The following ANKRD17 variants were observed in gnomAD, a reference collection of about 807,000 sequenced individuals.
ANKRD17 encodes the protein ankyrin repeat domain-containing protein 17.
In ANKRD17, 19 loss-of-function variants were observed where a neutral mutation model predicts 229.7. That is an observed-to-expected ratio of 0.08 (90% confidence interval 0.06 to 0.12). The LOEUF (loss-of-function observed/expected upper bound fraction) is 0.12. Ranked by LOEUF, ANKRD17 falls within the 10% of genes least tolerant of loss-of-function variation. ANKRD17 has a pLI of 1.00. For synonymous variants in ANKRD17, 1,112 were observed against 1,146.1 expected (o/e 0.97, Z 0.60); for missense variants, 2,176 against 3,176.8 (o/e 0.68, Z 7.57).
intron 9 of ANKRD17, 54 bp from the exon 10 acceptor site, chr4:73,146,927 T>C: frequency 2.8e-6 from 4 of 1,436,656 alleles, no homozygotes; most frequent in African/African-American, 1.4e-5. Flanking sequence ...ATAAGACATA[T>C]ATGACGAAAA....
rs556926101 is a variant in ANKRD17, at chr4:73,124,433, T to C, written c.3492+480A>G. Reference sequence around the variant, plus strand: ...AACAAAAGGTCATATAATCTTACCATCTTATCTGAGAACCTTTCCTCCAGA... The same window carrying C: ...AACAAAAGGTCATATAATCTTACCACCTTATCTGAGAACCTTTCCTCCAGA... On this transcript the variant is annotated intron_variant, in intron 18 of 33. Transcript: ENST00000358602. Among the ~76,000 whole-genome samples, 3 of 152,214 alleles carry C rather than the reference T, an allele frequency of 2.0e-5. No individual in the cohort carries two copies. In the South Asian group the frequency reaches 6.2e-4, roughly 32 times the overall value.
intron 24 of ANKRD17, among the ~76,000 whole-genome samples, chr4:73,106,749 C>T (rs998354163): frequency 6.6e-6 from 1 of 151,548 alleles, no homozygotes; most frequent in African/African-American, 2.4e-5. Flanking sequence ...TGTGGTGGTG[C>T]GCACCTGTAG....
chr4:73,146,710 T>C, intron 10 of ANKRD17, 54 bp downstream of exon 10: 1 of 1,301,510 alleles, frequency 7.7e-7, no homozygotes, highest in Non-Finnish European at 1.1e-6. Context: ...CTCCATAATT[T>C]AAAATTAATT....
intron 16 of ANKRD17, among the ~76,000 whole-genome samples, chr4:73,133,163 T>A (rs1384866923): frequency 2.0e-5 from 3 of 151,538 alleles, no homozygotes. Flanking sequence ...GGCAGGAGAA[T>A]CGCTTGAACC....
At chr4:73,184,053 C>T (rs1735932263) in intron 1 of ANKRD17, among the ~76,000 whole-genome samples, 1 of 152,100 alleles carries the variant, frequency 6.6e-6, no homozygotes, top group Non-Finnish European at 1.5e-5. Context: ...TAATTCAAAT[C>T]CTTCTACACT....
At chr4:73,122,577 T>A (rs1190511544) in intron 18 of ANKRD17, among the ~76,000 whole-genome samples, 1 of 152,174 alleles carries the variant, frequency 6.6e-6, no homozygotes, top group East Asian at 1.9e-4. Flanking sequence ...CATTCTCATT[T>A]TATAAATAAG....
chr4:73,145,383 G>A (rs1178689934), intron 10 of ANKRD17, among the ~76,000 whole-genome samples: 2 of 151,970 alleles, frequency 1.3e-5, no homozygotes, highest in African/African-American at 4.8e-5. Context: ...TCAACTCTAA[G>A]ATGTTACAAG....
rs185428665 is a variant in ANKRD17 at position 73,207,511 on chromosome 4, G to A, written c.394-29978C>T. On this transcript the variant is annotated intron_variant, in intron 1 of 33. Coordinates refer to ENST00000358602, the MANE Select transcript of ANKRD17 (RefSeq NM_032217.5). ...TTTGTATAAAAAGGCAAGAGCTATC[G>A]ACATGCTGTCTACAAGAAACATACT... Among the ~76,000 whole-genome samples, 23 of 152,236 alleles carry A rather than the reference G, an allele frequency of 1.5e-4. No homozygotes were observed. In the East Asian group the frequency reaches 1.9e-3, roughly 13 times the overall value.
chr4:73,100,805 C>T, intron 25 of ANKRD17: 1 of 975,734 alleles, frequency 1.0e-6, no homozygotes, highest in Non-Finnish European at 1.2e-6. Flanking sequence ...AAATAAAATG[C>T]TGGAGAAGGG....
In ANKRD17 at chr4:73,165,409, A is replaced by C. The variant is rs115600026; in HGVS notation, c.548-4061T>G. ...AGGAGGATGACATGAAGTACTACAT[A>C]AAAGCATTAAGTGAAAGTTTACATG... On this transcript the variant is annotated intron_variant, in intron 2 of 33. Transcript: ENST00000358602. Among the ~76,000 whole-genome samples, 1,320 of 152,346 alleles carry C rather than the reference A, an allele frequency of 8.7e-3. 28 individuals carry two copies. The highest frequency in any genetic ancestry group is 0.03 in the African/African-American group (1,253 of 41,568).
At position 73,152,079 on chromosome 4, in the gene ANKRD17, T is replaced by C. The variant is rs372521646; in HGVS notation, c.1235-555A>G. 9.2e-5 allele frequency among the ~76,000 whole-genome samples: 14 copies of C among 152,164 alleles called. 1 individual carries two copies. The East Asian group carries it at 2.5e-3, about 27-fold the overall frequency. Reference sequence around the variant, plus strand: ...TAAACATGTACACACATTAATGCAGTTTCAAATAAACCATATGCTTCAGTT... The same window carrying C: ...TAAACATGTACACACATTAATGCAGCTTCAAATAAACCATATGCTTCAGTT... On this transcript the variant is annotated intron_variant, in intron 6 of 33. Transcript: ENST00000358602.
intron 16 of ANKRD17, among the ~76,000 whole-genome samples, chr4:73,131,661 G>A (rs1000488367): frequency 2.6e-5 from 4 of 152,162 alleles, no homozygotes; most frequent in African/African-American, 7.2e-5. Flanking sequence ...AGAGTCTAGA[G>A]CCAGAGTGTC....
intron 2 of ANKRD17, among the ~76,000 whole-genome samples, chr4:73,168,242 A>G (rs530924023): frequency 6.6e-6 from 1 of 152,346 alleles, no homozygotes; most frequent in Admixed American, 6.5e-5. Flanking sequence ...ATGCTATAAT[A>G]AAGTAGCAGT....
chr4:73,220,675 A>T (rs1386220571), intron 1 of ANKRD17, among the ~76,000 whole-genome samples: 1 of 152,112 alleles, frequency 6.6e-6, no homozygotes, highest in Non-Finnish European at 1.5e-5. Context: ...TTATGATTCA[A>T]AAGATCAAGT....
In ANKRD17 at chr4:73,189,833, C is replaced by G. The variant is rs574550471; in HGVS notation, c.394-12300G>C. Among the ~76,000 whole-genome samples, 29 of 152,224 alleles carry G rather than the reference C, an allele frequency of 1.9e-4. No homozygotes were observed. In the South Asian group the frequency reaches 5.8e-3, roughly 30 times the overall value. On this transcript the variant is annotated intron_variant, in intron 1 of 33. Coordinates refer to ENST00000358602, the MANE Select transcript of ANKRD17 (RefSeq NM_032217.5). ...TCTCCATAAAAAAAAATGAACCTTT[C>G]AGACTTAGTGCTAACACCAGTGTGT... is the stretch of plus-strand genomic sequence containing the variant.
At chr4:73,192,250 A>G (rs1737218924) in intron 1 of ANKRD17, among the ~76,000 whole-genome samples, 1 of 152,086 alleles carries the variant, frequency 6.6e-6, no homozygotes, top group Non-Finnish European at 1.5e-5. Flanking sequence ...ATAGTGCCTT[A>G]AACATTAACT....
At chr4:73,204,806 T>G (rs1739232138) in intron 1 of ANKRD17, among the ~76,000 whole-genome samples, 1 of 152,140 alleles carries the variant, frequency 6.6e-6, no homozygotes, top group African/African-American at 2.4e-5. Context: ...GTGACAACAA[T>G]TATTAGCTAA....
chr4:73,148,786 C>T (rs184520106), intron 8 of ANKRD17, 27 bp downstream of exon 8: 1 of 1,582,734 alleles, frequency 6.3e-7, no homozygotes, highest in Non-Finnish European at 8.7e-7. Flanking sequence ...CACATTTATA[C>T]TTTAGTGTCT....
chr4:73,127,229 A>T (rs749615436), intron 16 of ANKRD17, among the ~76,000 whole-genome samples: 6 of 152,194 alleles, frequency 3.9e-5, no homozygotes, highest in Non-Finnish European at 5.9e-5. Context: ...AAGTCCCAGG[A>T]AAACCAAAAT....
Sources: gnomAD v4.1 joint callset for allele counts (sites outside exome capture counted in the v4.1 genomes callset) on GRCh38, gnomAD v4.1.1 for gene constraint, MANE v1.5 for transcripts, NCBI Gene and HGNC (gene_info 2026-07-23, HGNC 2026-07-21) for gene names.